Variants in HPCAL1 observed in about 807,000 individuals in gnomAD.
HPCAL1 encodes hippocalcin-like protein 1.
HPCAL1 carries 8 observed loss-of-function variants against 17.1 expected under a neutral mutation model. The ratio of observed to expected loss-of-function variants is 0.47; its 90% CI spans 0.27 to 0.84. HPCAL1 has a LOEUF of 0.84. HPCAL1 is among the 40% of genes least tolerant of loss of function. The pLI, the probability that HPCAL1 is intolerant of heterozygous loss-of-function variation, is 0.13. For missense variants in HPCAL1, 165 were observed against 271.1 expected, an observed-to-expected ratio of 0.61 and a Z score of 2.75; for synonymous variants, 112 against 111.4, an observed-to-expected ratio of 1.01 and a Z score of -0.03.
chr2:10,351,856 G>A (rs1211258999), intron 1 of HPCAL1, among the ~76,000 whole-genome samples: 1 of 151,868 alleles, frequency 6.6e-6, no homozygotes, highest in Non-Finnish European at 1.5e-5. Flanking sequence ...ATAAGCGATG[G>A]TTGCACAGTT....
Position 10,330,695 on chromosome 2 carries a change from C to A in HPCAL1, c.-111+27518C>A, listed in dbSNP as rs999087933. Among the ~76,000 whole-genome samples, 13 of 152,338 alleles carry A rather than the reference C, an allele frequency of 8.5e-5. 2 individuals are homozygous for A. Among genetic ancestry groups the A allele is most frequent in the South Asian group, 4.1e-4 (2 of 4,830 alleles). Reference sequence around the variant, plus strand: ...CCTCATTTTACCTTCATGACCTCTTCAAAGTCCCTGTGTCCAAATACAGTC... The same window carrying A: ...CCTCATTTTACCTTCATGACCTCTTAAAAGTCCCTGTGTCCAAATACAGTC... On this transcript the variant is annotated intron_variant, in intron 1 of 4. Transcript: ENST00000307845. The surrounding 1 kb of genome is among the most constrained non-coding windows in gnomAD (Gnocchi z 4.2).
chr2:10,380,382 T>A (rs1010271075), intron 1 of HPCAL1, among the ~76,000 whole-genome samples: 9 of 152,032 alleles, frequency 5.9e-5, no homozygotes, highest in Non-Finnish European at 1.2e-4. Context: ...GGCAGGGGTG[T>A]GGGTGGGTGT....
intron 1 of HPCAL1, among the ~76,000 whole-genome samples, chr2:10,366,384 C>T (rs1190356871): frequency 2.6e-5 from 4 of 152,162 alleles, no homozygotes; most frequent in South Asian, 2.1e-4. Flanking sequence ...TACAGGCACC[C>T]GCCACCACAC....
chr2:10,399,573 ACCACCG>A (rs1251756098), intron 2 of HPCAL1, among the ~76,000 whole-genome samples: 30 of 35,922 alleles, frequency 8.4e-4, no homozygotes, highest in Admixed American at 1.6e-3. Flanking sequence ...CACCGCCACC[ACCACCG>A]CCACCGCCAC....
chr2:10,385,614 T>G (rs1283578410), intron 1 of HPCAL1, among the ~76,000 whole-genome samples: 1 of 152,202 alleles, frequency 6.6e-6, no homozygotes, highest in African/African-American at 2.4e-5. Flanking sequence ...GCATGGACGA[T>G]GGCAGAATCC....
chr2:10,395,457 C>T lies in HPCAL1; in HGVS notation c.-110-1378C>T, dbSNP rs1269469426. On this transcript the variant is annotated intron_variant, in intron 1 of 4. Coordinates refer to ENST00000307845, the MANE Select transcript of HPCAL1 (RefSeq NM_002149.4). This position sits in a 1 kb window ranked among gnomAD's most constrained non-coding sequence, Gnocchi z 4.4. The stretch of plus-strand genomic sequence containing the variant: ...TTCCTGACCTTGTGGCGCTCACAGT[C>T]AGGGGGGTGGGTTGGTGGGTGGGTG... Among the ~76,000 whole-genome samples, 1 of 143,098 alleles carries T rather than the reference C, an allele frequency of 7.0e-6. No individual in the cohort carries two copies. Among genetic ancestry groups the T allele is most frequent in the Admixed American group, 7.2e-5 (1 of 13,940 alleles). 93.9% of individuals were successfully genotyped at this position (143,098 alleles called of 152,430 possible). A position where few individuals can be genotyped will look rare whatever the true frequency, so the allele number is the denominator to read the frequency against.
rs1001889830 is a variant in HPCAL1 at position 10,359,723 on chromosome 2, A to T, written c.-110-37112A>T. On this transcript the variant is annotated intron_variant, in intron 1 of 4. Transcript: ENST00000307845. This position sits in a 1 kb window ranked among gnomAD's most constrained non-coding sequence, Gnocchi z 4.1. ...CTCCCTGAAGGGCAGTGGCAAGGCC[A>T]GGCCAGCACCTCTCCACTCTGAGGA... 3.3e-5 allele frequency among the ~76,000 whole-genome samples: 5 copies of T among 152,204 alleles called. No homozygotes were observed. Among genetic ancestry groups the T allele is most frequent in the African/African-American group, 1.2e-4 (5 of 41,448 alleles).
rs1667158525 is a variant in HPCAL1, at chr2:10,370,811, G to A, written c.-110-26024G>A. On this transcript the variant is annotated intron_variant, in intron 1 of 4. Coordinates refer to ENST00000307845, the MANE Select transcript of HPCAL1 (RefSeq NM_002149.4). ...CCAGGTAGCAACAGCGTTCTGGGAG[G>A]ACGTGGGCTCAAATTCCAACTTTTC... Among the ~76,000 whole-genome samples, 4 of 152,336 alleles carry A rather than the reference G, an allele frequency of 2.6e-5. No homozygotes were observed. The South Asian group carries it at 6.2e-4, about 24-fold the overall frequency.
chr2:10,335,081 G>A (rs1486944293), intron 1 of HPCAL1, among the ~76,000 whole-genome samples: 2 of 152,200 alleles, frequency 1.3e-5, no homozygotes, highest in Non-Finnish European at 2.9e-5. Context: ...TCCTCCTTGA[G>A]TGCTGTGGAA....
chr2:10,391,973 C>T (rs1226872438), intron 1 of HPCAL1, among the ~76,000 whole-genome samples: 1 of 152,122 alleles, frequency 6.6e-6, no homozygotes, highest in African/African-American at 2.4e-5. Context: ...TGGTCTTGAA[C>T]TCCTGACCTC....
intron 1 of HPCAL1, among the ~76,000 whole-genome samples, chr2:10,325,326 C>G (rs1663941729): frequency 6.6e-6 from 1 of 152,176 alleles, no homozygotes; most frequent in Admixed American, 6.5e-5. Context: ...GGTGTGCTCT[C>G]CCACATCCCC....
chr2:10,356,649 C>T (rs1190084155), intron 1 of HPCAL1, among the ~76,000 whole-genome samples: 1 of 152,188 alleles, frequency 6.6e-6, no homozygotes, highest in Non-Finnish European at 1.5e-5. Flanking sequence ...GCCCCACACA[C>T]CACACCACCT....
chr2:10,315,066 C>A (rs563768303), intron 1 of HPCAL1, among the ~76,000 whole-genome samples: 45 of 152,078 alleles, frequency 3.0e-4, no homozygotes, highest in African/African-American at 9.9e-4. Flanking sequence ...CCGAGGCGGG[C>A]GGATCATGAA....
chr2:10,366,990 A>T (rs1471105257), intron 1 of HPCAL1, among the ~76,000 whole-genome samples: 3 of 151,968 alleles, frequency 2.0e-5, no homozygotes, highest in African/African-American at 7.3e-5. Flanking sequence ...TGGGACAAAG[A>T]CGTTGGCTGG....
intron 2 of HPCAL1, among the ~76,000 whole-genome samples, chr2:10,418,793 A>G (rs1244004534): frequency 6.6e-6 from 1 of 152,170 alleles, no homozygotes; most frequent in Non-Finnish European, 1.5e-5. Flanking sequence ...GATGGTTTTG[A>G]GCAGAGCAGT....
intron 1 of HPCAL1, among the ~76,000 whole-genome samples, chr2:10,336,933 G>A (rs373424823): frequency 6.6e-6 from 1 of 152,052 alleles, no homozygotes; most frequent in Non-Finnish European, 1.5e-5. Context: ...TATATTTTTC[G>A]TAGAGATGGG....
Position 10,396,913 on chromosome 2 carries a change from G to C in HPCAL1, c.-32G>C, listed in dbSNP as rs556377711. 1 of 152,422 alleles carries C rather than the reference G, an allele frequency of 6.6e-6. No homozygotes were observed. Among genetic ancestry groups the C allele is most frequent in the Non-Finnish European group, 1.5e-5 (1 of 68,104 alleles). 9.4% of individuals were successfully genotyped at this position (152,422 alleles called of 1,614,324 possible). On this transcript the variant is annotated 5_prime_UTR_variant, in exon 2 of 5. Transcript: ENST00000307845. ...ACCCACTCCCTCTCAGCCTCCGCCTGGTCTCTGGTAAGTCACTCCCAGAGG... is the reference window on the plus strand; with the variant it reads ...ACCCACTCCCTCTCAGCCTCCGCCTCGTCTCTGGTAAGTCACTCCCAGAGG...
Position 10,354,176 on chromosome 2 carries a change from TG to T in HPCAL1, c.-110-42658del, listed in dbSNP as rs891829846. 6.6e-6 allele frequency: 1 copy of T among 152,258 alleles called. No homozygotes were observed. The highest frequency in any genetic ancestry group is 1.5e-5 in the Non-Finnish European group (1 of 68,058). 9.4% of individuals were successfully genotyped at this position (152,258 alleles called of 1,614,324 possible). ...TAATCCTTCCTTAACTTGCTCTTCC[TG>T]AAGCCTCAACTCACTCATCTTCTTT... On this transcript the variant is annotated intron_variant, in intron 1 of 4. Transcript: ENST00000307845. This position sits in a 1 kb window ranked among gnomAD's most constrained non-coding sequence, Gnocchi z 5.1.
At position 10,394,381 on chromosome 2, in the gene HPCAL1, C is replaced by T. The variant is rs1436785570; in HGVS notation, c.-110-2454C>T. On this transcript the variant is annotated intron_variant, in intron 1 of 4. Transcript: ENST00000307845. This position sits in a 1 kb window ranked among gnomAD's most constrained non-coding sequence, Gnocchi z 5.0. ...TGCTGGGTTTCTCCTCGTGGAGAGC[C>T]CTTGACCCTGTCCAGGTCTTGATTT... Among the ~76,000 whole-genome samples the T allele has an allele frequency of 6.6e-6, 1 of 152,094 alleles. No homozygotes were observed. The highest frequency in any genetic ancestry group is 1.5e-5 in the Non-Finnish European group (1 of 68,008).
Sources: allele counts gnomAD v4.1 joint callset (sites outside exome capture counted in the v4.1 genomes callset), GRCh38; gene constraint gnomAD v4.1.1; non-coding constraint Gnocchi (gnomAD v3.1); transcripts MANE v1.5; gene names NCBI Gene and HGNC (gene_info 2026-07-23, HGNC 2026-07-21).